DNAAF11: variants seen among roughly 807,000 people sequenced by gnomAD.
DNAAF11 encodes the protein dynein axonemal assembly factor 11.
In DNAAF11, 45 loss-of-function variants were observed where a neutral mutation model predicts 60.8. The observed-to-expected ratio is 0.74, with a 90% CI of 0.58 to 0.95. The LOEUF is 0.95. Ranked by LOEUF, DNAAF11 falls within the 40% of genes least tolerant of loss-of-function variation. The pLI, the probability that DNAAF11 is intolerant of heterozygous loss-of-function variation, is 0.00. For missense variants in DNAAF11, 546 were observed against 546.2 expected, an observed-to-expected ratio of 1.00 and a Z score of 0.00; for synonymous variants, 191 against 183.5, an observed-to-expected ratio of 1.04 and a Z score of -0.33.
At chr8:132,664,242 T>C (rs533048921) in intron 1 of DNAAF11, among the ~76,000 whole-genome samples, 1 of 152,322 alleles carries the variant, frequency 6.6e-6, no homozygotes, top group African/African-American at 2.4e-5. Context: ...GTCGAATGTG[T>C]TCAGGGGACT....
At chr8:132,644,318 C>T (rs907997560) in intron 3 of DNAAF11, among the ~76,000 whole-genome samples, 4 of 152,212 alleles carry the variant, frequency 2.6e-5, no homozygotes, top group East Asian at 1.9e-4. Flanking sequence ...TTAAAAACAC[C>T]TCCAGCACCA....
At chr8:132,618,854 T>C (rs987032665) in intron 7 of DNAAF11, among the ~76,000 whole-genome samples, 37 of 152,222 alleles carry the variant, frequency 2.4e-4, no homozygotes, top group Non-Finnish European at 4.6e-4. Context: ...TTGGTGGGAC[T>C]GTAAACTAGT....
intron 4 of DNAAF11, among the ~76,000 whole-genome samples, chr8:132,636,367 G>A (rs1586650649): frequency 1.3e-5 from 2 of 152,224 alleles, no homozygotes; most frequent in Admixed American, 6.5e-5. Flanking sequence ...ATCAAGGTCC[G>A]ACTCACATAG....
the DNAAF11 span, among the ~76,000 whole-genome samples, chr8:132,698,767 A>G: frequency 2.0e-5 from 3 of 152,016 alleles, no homozygotes; most frequent in Middle Eastern, 6.3e-3. Context: ...AACAAAAATC[A>G]CACACCACAA....
chr8:132,606,452 A>C (rs1343636032), intron 10 of DNAAF11, among the ~76,000 whole-genome samples: 1 of 152,176 alleles, frequency 6.6e-6, no homozygotes, highest in Non-Finnish European at 1.5e-5. Flanking sequence ...AAAAAATTTT[A>C]AAAAGTAAAC....
chr8:132,685,283 G>A, the DNAAF11 span, among the ~76,000 whole-genome samples: 6 of 152,150 alleles, frequency 3.9e-5, no homozygotes, highest in African/African-American at 1.4e-4. Context: ...AACTAATTAT[G>A]AATAGGGATG....
intron 4 of DNAAF11, among the ~76,000 whole-genome samples, chr8:132,634,926 T>A (rs959271742): frequency 2.0e-5 from 3 of 151,966 alleles, no homozygotes; most frequent in African/African-American, 7.2e-5. Context: ...TTCCTTGTAA[T>A]TGAAGTACAT....
the DNAAF11 span, among the ~76,000 whole-genome samples, chr8:132,689,879 ATAT>A: frequency 6.6e-6 from 1 of 151,442 alleles, no homozygotes; most frequent in Admixed American, 6.6e-5. Flanking sequence ...CATCCTGTGA[ATAT>A]TTTTTTTCCT....
the DNAAF11 span, among the ~76,000 whole-genome samples, chr8:132,681,497 G>T: frequency 9.8e-4 from 149 of 152,058 alleles, 1 homozygote; most frequent in African/African-American, 3.4e-3. Context: ...GACTGGAGGA[G>T]GGCAGCATTA....
chr8:132,685,260 A>C, the DNAAF11 span, among the ~76,000 whole-genome samples: 1 of 152,230 alleles, frequency 6.6e-6, no homozygotes, highest in Non-Finnish European at 1.5e-5. Flanking sequence ...ATTATTTCAG[A>C]ACCATTAAGT....
intron 3 of DNAAF11, among the ~76,000 whole-genome samples, chr8:132,641,719 G>T (rs1821874550): frequency 6.6e-6 from 1 of 152,062 alleles, no homozygotes; most frequent in African/African-American, 2.4e-5. Flanking sequence ...ACTGAGTATA[G>T]GTGACTATTA....
the DNAAF11 span, among the ~76,000 whole-genome samples, chr8:132,691,168 G>A: frequency 1.3e-5 from 2 of 152,066 alleles, no homozygotes; most frequent in East Asian, 3.9e-4. Context: ...CATTAACTTA[G>A]TTATTTCATT....
intron 10 of DNAAF11, among the ~76,000 whole-genome samples, chr8:132,608,897 A>G (rs1009431354): frequency 6.6e-6 from 1 of 152,234 alleles, no homozygotes; most frequent in African/African-American, 2.4e-5. Context: ...TTGAGTACCT[A>G]TAATGAATCC....
chr8:132,702,003 G>A, the DNAAF11 span: 1 of 152,142 alleles, frequency 6.6e-6, no homozygotes, highest in African/African-American at 2.4e-5. Flanking sequence ...GGGATGATGT[G>A]TAATTTCTTC....
chr8:132,583,610 A>G (rs1815561161), intron 11 of DNAAF11, 84 bp downstream of exon 11: 9 of 1,031,560 alleles, frequency 8.7e-6, no homozygotes, highest in Non-Finnish European at 1.4e-5. Context: ...ATAATTGTAC[A>G]ATTTTGGAAG....
chr8:132,594,867 C>G (rs752583758), intron 10 of DNAAF11, among the ~76,000 whole-genome samples: 2 of 152,078 alleles, frequency 1.3e-5, no homozygotes, highest in Non-Finnish European at 2.9e-5. Flanking sequence ...AGTGTGAGAA[C>G]GGACTAACAA....
the DNAAF11 span, among the ~76,000 whole-genome samples, chr8:132,690,395 G>A: frequency 2.0e-5 from 3 of 152,234 alleles, no homozygotes; most frequent in East Asian, 5.8e-4. Flanking sequence ...TGAAGAAAGT[G>A]TCTGCTTCCC....
chr8:132,601,257 A>G (rs1440664942), intron 10 of DNAAF11, among the ~76,000 whole-genome samples: 1 of 152,222 alleles, frequency 6.6e-6, no homozygotes, highest in African/African-American at 2.4e-5. Flanking sequence ...GGCTATCATT[A>G]AAAAGTCAGG....
At chr8:132,610,328 G>A (rs1818535710) in intron 9 of DNAAF11, 67 bp from the exon 10 acceptor site, 3 of 998,344 alleles carry the variant, frequency 3.0e-6, no homozygotes, top group Non-Finnish European at 4.8e-6. Context: ...TACTAAAAGG[G>A]GCATTTTCAT....
Sources: gnomAD v4.1 joint callset for allele counts (sites outside exome capture counted in the v4.1 genomes callset) on GRCh38, gnomAD v4.1.1 for gene constraint, MANE v1.5 for transcripts, NCBI Gene and HGNC (gene_info 2026-07-23, HGNC 2026-07-21) for gene names.